UMAD1: variants seen among roughly 807,000 people sequenced by gnomAD.
The protein encoded by UMAD1 is UBAP1-MVB12-associated (UMA) domain containing 1, also known as UBAP1-MVB12-associated (UMA)-domain containing protein 1.
In UMAD1, 8 loss-of-function variants were observed where a neutral mutation model predicts 6.1. The ratio of observed to expected loss-of-function variants is 1.30; its 90% CI spans 0.76 to 2.35. UMAD1 has a LOEUF of 2.35. Among genes scored for constraint, UMAD1 ranks in the 30% most tolerant of loss-of-function variants. The pLI is 0.00. For synonymous variants in UMAD1, 56 were observed against 31.4 expected, an observed-to-expected ratio of 1.78 and a Z score of -2.61; for missense variants, 130 against 78.4, an observed-to-expected ratio of 1.66 and a Z score of -2.49.
At chr7:7,721,051 G>A (rs537218693) in intron 2 of UMAD1, among the ~76,000 whole-genome samples, 6 of 152,232 alleles carry the variant, frequency 3.9e-5, no homozygotes, top group African/African-American at 1.4e-4. Context: ...GGCAGAGATC[G>A]AAATGATGCC....
At chr7:7,715,686 G>A (rs1780883383) in intron 2 of UMAD1, among the ~76,000 whole-genome samples, 1 of 151,996 alleles carries the variant, frequency 6.6e-6, no homozygotes, top group South Asian at 2.1e-4. Flanking sequence ...TGACCTAAAA[G>A]TCATAGTTTT....
chr7:7,742,373 C>G, intron 2 of UMAD1: 1 of 593,042 alleles, frequency 1.7e-6, no homozygotes, highest in Non-Finnish European at 3.3e-6. Flanking sequence ...CCGAGGATAT[C>G]TGGGCTGCCT....
At chr7:7,844,173 A>G (rs550024437) in intron 3 of UMAD1, among the ~76,000 whole-genome samples, 1 of 152,330 alleles carries the variant, frequency 6.6e-6, no homozygotes, top group East Asian at 1.9e-4. Flanking sequence ...AGGCTGGCAC[A>G]GCATTTCCCA....
chr7:7,700,366 C>T (rs1197901714), intron 2 of UMAD1, among the ~76,000 whole-genome samples: 2 of 152,164 alleles, frequency 1.3e-5, no homozygotes, highest in Non-Finnish European at 2.9e-5. Flanking sequence ...GATTTCATTT[C>T]ATGAATTTTG....
intron 3 of UMAD1, among the ~76,000 whole-genome samples, chr7:7,859,063 C>A (rs1456922962): frequency 6.6e-6 from 1 of 152,164 alleles, no homozygotes; most frequent in Non-Finnish European, 1.5e-5. Context: ...TGCCAGAGTT[C>A]AGCTCCTCCA....
chr7:7,672,975 C>G (rs1270930242), intron 1 of UMAD1, among the ~76,000 whole-genome samples: 1 of 152,176 alleles, frequency 6.6e-6, no homozygotes, highest in Admixed American at 6.5e-5. Context: ...ATCACCCAAA[C>G]CAGTGTCTGT....
intron 3 of UMAD1, among the ~76,000 whole-genome samples, chr7:7,845,340 C>T (rs1783763747): frequency 6.6e-6 from 1 of 151,968 alleles, no homozygotes; most frequent in South Asian, 2.1e-4. Context: ...TTCTATTTAA[C>T]AAGCTGCTCT....
intron 2 of UMAD1, among the ~76,000 whole-genome samples, chr7:7,746,116 C>T (rs1417968353): frequency 6.6e-6 from 1 of 152,148 alleles, no homozygotes; most frequent in Non-Finnish European, 1.5e-5. Context: ...TTAATATTCT[C>T]GTGTTTGAAT....
intron 2 of UMAD1, among the ~76,000 whole-genome samples, chr7:7,761,363 T>A (rs868421015): frequency 3.9e-4 from 47 of 121,100 alleles, no homozygotes; most frequent in African/African-American, 6.7e-4. Flanking sequence ...GAGACCTAAC[T>A]AAAAAAAAAA....
chr7:7,821,670 T>C (rs955610839), intron 3 of UMAD1, among the ~76,000 whole-genome samples: 1 of 152,174 alleles, frequency 6.6e-6, no homozygotes, highest in African/African-American at 2.4e-5. Context: ...TCTTTGAAAT[T>C]GCCAGTCCTG....
chr7:7,716,815 G>A (rs917415709), intron 2 of UMAD1, among the ~76,000 whole-genome samples: 7 of 152,094 alleles, frequency 4.6e-5, no homozygotes, highest in East Asian at 3.9e-4. Flanking sequence ...GCATGGTGGC[G>A]GGCGCCCATA....
intron 2 of UMAD1, among the ~76,000 whole-genome samples, chr7:7,759,148 G>A (rs985346774): frequency 5.9e-5 from 9 of 152,060 alleles, no homozygotes; most frequent in Non-Finnish European, 7.4e-5. Flanking sequence ...AGATTATGCC[G>A]GATATGGATT....
At chr7:7,793,983 C>T (rs1036454145) in intron 2 of UMAD1, among the ~76,000 whole-genome samples, 1 of 152,152 alleles carries the variant, frequency 6.6e-6, no homozygotes, top group Admixed American at 6.5e-5. Context: ...TGCAGAATTT[C>T]TTAGATGCTA....
chr7:7,761,103 G>A (rs962869280), intron 2 of UMAD1, among the ~76,000 whole-genome samples: 4 of 152,080 alleles, frequency 2.6e-5, no homozygotes, highest in Non-Finnish European at 4.4e-5. Flanking sequence ...GGTGGCTGAC[G>A]CCTGTAATCC....
At chr7:7,807,026 G>T (rs1452921181) in intron 3 of UMAD1, among the ~76,000 whole-genome samples, 1 of 152,116 alleles carries the variant, frequency 6.6e-6, no homozygotes, top group African/African-American at 2.4e-5. Context: ...AGTTTCAAGG[G>T]ATTGTGTTAG....
At chr7:7,854,285 G>A (rs1386051109) in intron 3 of UMAD1, among the ~76,000 whole-genome samples, 2 of 141,152 alleles carry the variant, frequency 1.4e-5, no homozygotes, top group Non-Finnish European at 3.0e-5. Flanking sequence ...AACCCGGGAG[G>A]CAGAGGTTGT....
chr7:7,717,750 TAG>T (rs927182625), intron 2 of UMAD1, among the ~76,000 whole-genome samples: 8 of 152,244 alleles, frequency 5.3e-5, no homozygotes, highest in African/African-American at 1.7e-4. Flanking sequence ...TGTCATTGTA[TAG>T]TTCAGGAACT....
intron 3 of UMAD1, among the ~76,000 whole-genome samples, chr7:7,846,241 A>C (rs1783780046): frequency 6.6e-6 from 1 of 152,186 alleles, no homozygotes; most frequent in African/African-American, 2.4e-5. Context: ...GATATTCCAT[A>C]ATATCTCATA....
At chr7:7,801,549 T>C (rs1782798859) in intron 2 of UMAD1, 121 bp from the exon 3 acceptor site, 1 of 600,684 alleles carries the variant, frequency 1.7e-6, no homozygotes, top group African/African-American at 1.9e-5. Context: ...ACAAGGGAAA[T>C]AGTGGTTTCT....
Sources: allele counts gnomAD v4.1 joint callset (sites outside exome capture counted in the v4.1 genomes callset), GRCh38; gene constraint gnomAD v4.1.1; transcripts MANE v1.5; gene names NCBI Gene and HGNC (gene_info 2026-07-23, HGNC 2026-07-21).